The following RUSC2 variants were observed in gnomAD, a reference collection of about 807,000 sequenced individuals.
RUSC2 encodes AP-4 complex accessory subunit RUSC2.
A neutral mutation model predicts 122.2 loss-of-function variants in RUSC2; 34 were observed. The ratio of observed to expected loss-of-function variants is 0.28; its 90% CI spans 0.21 to 0.37. The LOEUF (loss-of-function observed/expected upper bound fraction) is 0.37, where lower values mean the gene tolerates loss of function less well. Ranked by LOEUF, RUSC2 falls within the 10% of genes least tolerant of loss-of-function variation. The pLI is 1.00. For missense variants in RUSC2, 1,747 were observed against 1,952.4 expected, an observed-to-expected ratio of 0.89 and a Z score of 1.98; for synonymous variants, 784 against 790.0, an observed-to-expected ratio of 0.99 and a Z score of 0.13.
intron 1 of RUSC2, among the ~76,000 whole-genome samples, chr9:35,511,326 C>T (rs1821006929): frequency 6.6e-6 from 1 of 152,176 alleles, no homozygotes; most frequent in East Asian, 1.9e-4. Context: ...ACCTGCTGTT[C>T]TTGGTCCCCT....
At position 35,560,862 on chromosome 9, in the gene RUSC2, G is replaced by A. The variant is rs1322571244; in HGVS notation, c.4211+11G>A. 6 of 1,549,414 alleles carry A rather than the reference G, an allele frequency of 3.9e-6. No homozygotes were observed. In the African/African-American group the frequency reaches 6.8e-5, roughly 18 times the overall value. ...CCGGCCCACAAATAGGTGAGAGCCT[G>A]CCCATGGTAGGGATGGAGGGAGTAG... On this transcript the variant is annotated intron_variant, in intron 10 of 11. Transcript: ENST00000361226.
Position 35,555,444 on chromosome 9 carries a change from C to T in RUSC2, c.2399C>T (p.Ser800Leu), listed in dbSNP as rs267602224. 1.3e-5 allele frequency: 21 copies of T among 1,614,266 alleles called. No homozygotes were observed. The highest frequency in any genetic ancestry group is 1.6e-5 in the Non-Finnish European group (19 of 1,180,048). Reference protein sequence around the residue: ...GPSTDSSASTSCSPPPEQPTA... With the variant: ...GPSTDSSASTLCSPPPEQPTA... ...AGCACTGACTCTTCTGCCTCCACTT[C>T]GTGCTCCCCTCCCCCAGAGCAGCCC... The change falls in exon 3 of 12, where the codon TCG (serine) becomes TTG (leucine). Residue 800 changes from serine (S) to leucine (L), a missense_variant. Ser to Leu is a moderately radical substitution (Grantham distance 145). Coordinates refer to ENST00000361226, the MANE Select transcript of RUSC2 (RefSeq NM_014806.5). This position sits in a 1 kb window ranked among gnomAD's most constrained non-coding sequence, Gnocchi z 4.6.
At chr9:35,529,873 T>G (rs1821388130) in intron 1 of RUSC2, among the ~76,000 whole-genome samples, 1 of 152,210 alleles carries the variant, frequency 6.6e-6, no homozygotes, top group East Asian at 1.9e-4. Context: ...TCAAATATGC[T>G]GTTCTCAGAA....
intron 1 of RUSC2, among the ~76,000 whole-genome samples, chr9:35,496,241 C>T (rs1319291399): frequency 6.6e-6 from 1 of 152,106 alleles, no homozygotes; most frequent in African/African-American, 2.4e-5. Flanking sequence ...TCTCAGGAAG[C>T]TCTCAGAGAG....
Position 35,561,360 on chromosome 9 carries a change from C to T in RUSC2, c.4529C>T (p.Thr1510Ile), listed in dbSNP as rs1250455719. Residue 1510 changes from threonine to isoleucine, a missense_variant, in exon 12 of 12, where the codon ACC becomes ATC. Physicochemically the swap from Thr to Ile is moderately conservative, Grantham distance 89 (BLOSUM62 -1). Transcript: ENST00000361226. The stretch of plus-strand genomic sequence containing the variant: ...ACATTGACCCCAACTCCAAGTCCAA[C>T]CCCTGGAAGCAGCCAAAACTGAGGC... ...YVTLTPTPSP[T>I]PGSSQN 1 of 1,612,854 alleles carries T rather than the reference C, an allele frequency of 6.2e-7. No individual in the cohort carries two copies. Among genetic ancestry groups the T allele is most frequent in the Non-Finnish European group, 8.5e-7 (1 of 1,179,352 alleles).
chr9:35,496,710 A>G (rs1206831356), intron 1 of RUSC2, among the ~76,000 whole-genome samples: 1 of 152,190 alleles, frequency 6.6e-6, no homozygotes, highest in Admixed American at 6.5e-5. Context: ...AGAGATCTAC[A>G]TATCTTAGGC....
At chr9:35,511,769 C>T (rs1406234673) in intron 1 of RUSC2, among the ~76,000 whole-genome samples, 1 of 152,184 alleles carries the variant, frequency 6.6e-6, no homozygotes, top group African/African-American at 2.4e-5. Context: ...AATATACTTT[C>T]TTGCTTTATA....
At position 35,561,073 on chromosome 9, in the gene RUSC2, C is replaced by T; in HGVS notation, c.4325C>T (p.Pro1442Leu). 6.2e-7 allele frequency: 1 copy of T among 1,614,102 alleles called. No homozygotes were observed. The highest frequency in any genetic ancestry group is 1.3e-5 in the African/African-American group (1 of 75,066). ...GAGAGCCTGCAGGAGCCACACTCCC[C>T]AGCCCTGCCCTCCAGTCCTCCGTGG... ...PKESLQEPHS[P>L]ALPSSPPCEV... Residue 1442 changes from proline to leucine, a missense_variant, in exon 11 of 12, where the codon CCA (proline) becomes CTA (leucine). Pro to Leu is a moderately conservative substitution (Grantham distance 98). Coordinates refer to ENST00000361226, the MANE Select transcript of RUSC2 (RefSeq NM_014806.5).
chr9:35,503,675 G>A (rs928065673), intron 1 of RUSC2, among the ~76,000 whole-genome samples: 7 of 151,946 alleles, frequency 4.6e-5, no homozygotes, highest in East Asian at 3.8e-4. Flanking sequence ...TTAAGGAATC[G>A]CCATACTGTT....
At chr9:35,545,946 A>ATGC (rs1156476703) in intron 1 of RUSC2, among the ~76,000 whole-genome samples, 1 of 152,206 alleles carries the variant, frequency 6.6e-6, no homozygotes, top group East Asian at 1.9e-4. Context: ...TTCTTGCAAA[A>ATGC]TTATAGCTTA....
Position 35,547,914 on chromosome 9 carries a change from A to G in RUSC2, c.1393A>G (p.Thr465Ala). 1.2e-6 allele frequency: 2 copies of G among 1,614,172 alleles called. No individual in the cohort carries two copies. The highest frequency in any genetic ancestry group is 2.2e-5 in the South Asian group (2 of 91,076). Residue 465 changes from threonine to alanine, a missense_variant, in exon 2 of 12, where the codon ACC becomes GCC. By Grantham distance (58) the Thr-to-Ala change is moderately conservative. Coordinates refer to ENST00000361226, the MANE Select transcript of RUSC2 (RefSeq NM_014806.5). The surrounding 1 kb of genome is among the most constrained non-coding windows in gnomAD (Gnocchi z 4.6). ...GGAACAAGAAGCAGTGAGTTCCTCC[A>G]CCCAAGCAGCAGCTGCTGTGGGCCC... ...PEEQEAVSSS[T>A]QAAAAVGPTV...
rs1821978378 is a variant in RUSC2, at chr9:35,555,022, G to A, written c.2015-38G>A. ...GGTTTTCTCTCATATGGGTTTCAGT[G>A]TCTGTCTACTGATTTCTTCTCCATC... On this transcript the variant is annotated intron_variant, in intron 2 of 11. Coordinates refer to ENST00000361226, the MANE Select transcript of RUSC2 (RefSeq NM_014806.5). The surrounding 1 kb of genome is among the most constrained non-coding windows in gnomAD (Gnocchi z 4.6). 6.2e-7 allele frequency: 1 copy of A among 1,603,546 alleles called. No individual in the cohort carries two copies. The highest frequency in any genetic ancestry group is 1.7e-5 in the Admixed American group (1 of 59,586).
At chr9:35,526,534 G>A (rs914626306) in intron 1 of RUSC2, among the ~76,000 whole-genome samples, 3 of 152,148 alleles carry the variant, frequency 2.0e-5, no homozygotes, top group Non-Finnish European at 2.9e-5. Context: ...ATGGGGGCAG[G>A]GAAAGGCAAG....
intron 1 of RUSC2, among the ~76,000 whole-genome samples, chr9:35,516,590 A>G (rs371994746): frequency 1.3e-5 from 2 of 152,352 alleles, no homozygotes; most frequent in South Asian, 4.1e-4. Flanking sequence ...TGTGAGGGAA[A>G]TTAGCCAGTC....
chr9:35,514,645 G>A (rs751772182), intron 1 of RUSC2, among the ~76,000 whole-genome samples: 58 of 152,144 alleles, frequency 3.8e-4, no homozygotes, highest in Admixed American at 5.9e-4. Context: ...ATGAGTAACA[G>A]AAACCCAACA....
intron 1 of RUSC2, among the ~76,000 whole-genome samples, chr9:35,514,456 G>A (rs1395433049): frequency 1.3e-5 from 2 of 152,118 alleles, no homozygotes; most frequent in Non-Finnish European, 2.9e-5. Context: ...AGCCTTCGAA[G>A]GGTTTTTAAG....
chr9:35,509,313 G>C (rs1820972978), intron 1 of RUSC2, among the ~76,000 whole-genome samples: 1 of 152,204 alleles, frequency 6.6e-6, no homozygotes, highest in African/African-American at 2.4e-5. Flanking sequence ...AACTTAGGGA[G>C]GGTCACATGG....
At chr9:35,490,412 G>A (rs1056943903) in intron 1 of RUSC2, among the ~76,000 whole-genome samples, 1 of 151,516 alleles carries the variant, frequency 6.6e-6, no homozygotes, top group East Asian at 1.9e-4. Flanking sequence ...TGCGTCCACC[G>A]GACCTTCAAA....
chr9:35,517,393 T>C (rs1821128304), intron 1 of RUSC2, among the ~76,000 whole-genome samples: 1 of 152,188 alleles, frequency 6.6e-6, no homozygotes, highest in South Asian at 2.1e-4. Flanking sequence ...AGCAGTAGAA[T>C]ACATCCCTCA....
Sources: gnomAD v4.1 joint callset for allele counts (sites outside exome capture counted in the v4.1 genomes callset) on GRCh38, gnomAD v4.1.1 for gene constraint, Gnocchi (gnomAD v3.1) non-coding constraint, MANE v1.5 for transcripts, NCBI Gene and HGNC (gene_info 2026-07-23, HGNC 2026-07-21) for gene names.